The following PTCD2 variants were observed in gnomAD, a reference collection of about 807,000 sequenced individuals.
PTCD2 encodes the protein pentatricopeptide repeat domain 2.
Under a neutral mutation model 42.6 loss-of-function variants are expected in PTCD2, and 31 were observed. That is an observed-to-expected ratio of 0.73 (90% CI 0.55 to 0.98). PTCD2 has a LOEUF of 0.98. Ranked by LOEUF, PTCD2 falls within the 50% of genes least tolerant of loss-of-function variation. The pLI, the probability that PTCD2 is intolerant of heterozygous loss-of-function variation, is 0.00. For missense variants in PTCD2, 476 were observed against 454.8 expected, an observed-to-expected ratio of 1.05 and a Z score of -0.42; for synonymous variants, 183 against 170.9, an observed-to-expected ratio of 1.07 and a Z score of -0.55.
intron 9 of PTCD2, among the ~76,000 whole-genome samples, chr5:72,354,508 T>C (rs1246489374): frequency 6.6e-6 from 1 of 152,008 alleles, no homozygotes; most frequent in East Asian, 1.9e-4. Context: ...GAATGGCCTT[T>C]AAACTTTCGA....
intron 2 of PTCD2, 84 bp downstream of exon 2, chr5:72,322,348 G>A (rs1750907279): frequency 1.2e-6 from 1 of 829,702 alleles, no homozygotes; most frequent in African/African-American, 1.7e-5. Flanking sequence ...GTCTCCTTCA[G>A]TGACTTTATT....
chr5:72,320,417 C>G lies in PTCD2; in HGVS notation c.35C>G (p.Pro12Arg), dbSNP rs750793419. The change falls in exon 1 of 10, where the codon CCC becomes CGC. Residue 12 changes from proline (P) to arginine (R), a missense_variant. By Grantham distance (103) the Pro-to-Arg change is moderately radical. Coordinates refer to ENST00000380639, the MANE Select transcript of PTCD2 (RefSeq NM_024754.5). The part of the protein sequence containing the change: ...VRDSMAAAFR[P>R]SNRVLLQALQ... ...GACAGTATGGCTGCTGCATTTCGGC[C>G]CTCGAATCGAGTTCTCCTGCAGGCG... The G allele has an allele frequency of 9.4e-5, 152 of 1,614,126 alleles. 1 individual carries two copies. The Middle Eastern group carries it at 1.8e-3, about 19-fold the overall frequency.
intron 8 of PTCD2, among the ~76,000 whole-genome samples, chr5:72,343,587 G>T (rs1752187614): frequency 6.6e-6 from 1 of 152,052 alleles, no homozygotes; most frequent in Non-Finnish European, 1.5e-5. Flanking sequence ...ACTTACCTGG[G>T]CCACCTGGGT....
intron 9 of PTCD2, among the ~76,000 whole-genome samples, chr5:72,357,880 A>G (rs964996088): frequency 6.6e-6 from 1 of 151,588 alleles, no homozygotes; most frequent in Non-Finnish European, 1.5e-5. Context: ...CTCTGTCGCC[A>G]AGGCTGGAGT....
chr5:72,320,757 C>T lies in PTCD2; in HGVS notation c.127+248C>T, dbSNP rs567686885. ...GGCTGTAGTGCTCCCTCAGATGGGG[C>T]GACGTTCGTCTTCAGGAACATCCCT... is the stretch of plus-strand genomic sequence containing the variant. On this transcript the variant is annotated intron_variant, in intron 1 of 9. Coordinates refer to ENST00000380639, the MANE Select transcript of PTCD2 (RefSeq NM_024754.5). 7.2e-5 allele frequency: 35 copies of T among 487,186 alleles called. 1 individual carries two copies. In the South Asian group the frequency reaches 1.1e-3, roughly 15 times the overall value. 30.2% of individuals were successfully genotyped at this position (487,186 alleles called of 1,614,324 possible).
At chr5:72,321,698 A>G (rs1334855421) in intron 1 of PTCD2, among the ~76,000 whole-genome samples, 24 of 152,228 alleles carry the variant, frequency 1.6e-4, no homozygotes, top group Admixed American at 1.6e-3. Flanking sequence ...TAACCCCCTC[A>G]TTTCACAGAG....
Position 72,338,758 on chromosome 5 carries a change from A to C in PTCD2, c.753+23A>C, listed in dbSNP as rs376581583. On this transcript the variant is annotated intron_variant, in intron 7 of 9. Coordinates refer to ENST00000380639, the MANE Select transcript of PTCD2 (RefSeq NM_024754.5). ...CAGGTAAAGCCTTGTGGTGTACATA[A>C]GTAAATTGGGAGTGGCCAGGACTTC... 3.6e-6 allele frequency: 5 copies of C among 1,386,914 alleles called. No individual in the cohort carries two copies. In the African/African-American group the frequency reaches 5.8e-5, roughly 16 times the overall value. The allele number at this position is 1,386,914 out of a possible 1,614,324, so 85.9% of individuals were successfully genotyped here.
chr5:72,338,730 A>G lies in PTCD2; in HGVS notation c.748A>G (p.Asn250Asp). Residue 250 changes from asparagine to aspartate, a missense_variant, in exon 7 of 10, where the codon AAT (asparagine) becomes GAT (aspartate). By Grantham distance (23) the Asn-to-Asp change is conservative. Coordinates refer to ENST00000380639, the MANE Select transcript of PTCD2 (RefSeq NM_024754.5). ...CTGTTTCGCTGTGGCATTAGCTCTGAATCAGGTAAAGCCTTGTGGTGTACA... is the reference window on the plus strand; with the variant it reads ...CTGTTTCGCTGTGGCATTAGCTCTGGATCAGGTAAAGCCTTGTGGTGTACA... Reference protein sequence around the residue: ...ASCFAVALALNQNEMAKAVSI... With the variant: ...ASCFAVALALDQNEMAKAVSI... 6.3e-7 allele frequency: 1 copy of G among 1,581,496 alleles called. No individual in the cohort carries two copies. The highest frequency in any genetic ancestry group is 8.7e-7 in the Non-Finnish European group (1 of 1,150,796).
chr5:72,356,051 C>G (rs557819048), intron 9 of PTCD2, among the ~76,000 whole-genome samples: 1 of 152,342 alleles, frequency 6.6e-6, no homozygotes, highest in East Asian at 1.9e-4. Context: ...GTTGATTTAA[C>G]GCTTCTTTCT....
chr5:72,355,531 T>C (rs1490791378), intron 9 of PTCD2, among the ~76,000 whole-genome samples: 1 of 152,218 alleles, frequency 6.6e-6, no homozygotes, highest in African/African-American at 2.4e-5. Context: ...AGGAACCATG[T>C]AAATGCTTTG....
intron 4 of PTCD2, among the ~76,000 whole-genome samples, chr5:72,332,653 T>C (rs549429292): frequency 5.9e-5 from 9 of 152,346 alleles, no homozygotes; most frequent in African/African-American, 2.2e-4. Context: ...AAACGGGTTT[T>C]TTTTAGCCTG....
intron 7 of PTCD2, among the ~76,000 whole-genome samples, chr5:72,341,025 C>T (rs1438128564): frequency 1.3e-5 from 2 of 149,648 alleles, no homozygotes; most frequent in East Asian, 3.9e-4. Flanking sequence ...AATGGAGTGG[C>T]ACGATTTCGG....
intron 2 of PTCD2, 131 bp from the exon 3 acceptor site, chr5:72,326,481 G>A (rs928154638): frequency 3.5e-6 from 3 of 868,070 alleles, no homozygotes; most frequent in Non-Finnish European, 5.4e-6. Context: ...GATGGCAGCT[G>A]TGTGTTTCTG....
At chr5:72,325,611 T>C (rs1009793960) in intron 2 of PTCD2, among the ~76,000 whole-genome samples, 1 of 152,252 alleles carries the variant, frequency 6.6e-6, no homozygotes, top group Non-Finnish European at 1.5e-5. Flanking sequence ...GAAGAGCCAC[T>C]GCATTATCTC....
intron 5 of PTCD2, 65 bp downstream of exon 5, chr5:72,335,161 G>GA (rs1338934393): frequency 2.2e-5 from 20 of 889,796 alleles, no homozygotes; most frequent in Non-Finnish European, 3.5e-5. Context: ...GAACTAGGGG[G>GA]AAAAATGAGT....
chr5:72,347,666 A>C (rs992359335), intron 8 of PTCD2, among the ~76,000 whole-genome samples: 6 of 152,136 alleles, frequency 3.9e-5, no homozygotes, highest in African/African-American at 1.4e-4. Context: ...CAGCCTGGGC[A>C]ACAGAGCGAG....
At chr5:72,356,099 C>T (rs1041772437) in intron 9 of PTCD2, among the ~76,000 whole-genome samples, 1 of 152,214 alleles carries the variant, frequency 6.6e-6, no homozygotes, top group African/African-American at 2.4e-5. Context: ...GTGATCCACC[C>T]AACCCTTTTG....
At chr5:72,332,198 C>T (rs1561380912) in intron 4 of PTCD2, among the ~76,000 whole-genome samples, 1 of 152,198 alleles carries the variant, frequency 6.6e-6, no homozygotes, top group Non-Finnish European at 1.5e-5. Context: ...TTGAGTTGTT[C>T]TTCTGCCTCT....
At chr5:72,327,845 C>T (rs1751229703) in intron 3 of PTCD2, among the ~76,000 whole-genome samples, 1 of 152,080 alleles carries the variant, frequency 6.6e-6, no homozygotes, top group Non-Finnish European at 1.5e-5. Flanking sequence ...GAGAGAAATA[C>T]AAGATAATCA....
Sources: allele counts gnomAD v4.1 joint callset (sites outside exome capture counted in the v4.1 genomes callset), GRCh38; gene constraint gnomAD v4.1.1; transcripts MANE v1.5; gene names NCBI Gene and HGNC (gene_info 2026-07-23, HGNC 2026-07-21).